PXDN: variants seen among roughly 807,000 people sequenced by gnomAD.
The protein encoded by PXDN is peroxidasin.
A neutral mutation model predicts 140.3 loss-of-function variants in PXDN; 77 were observed. That is an observed-to-expected ratio of 0.55 (90% confidence interval 0.46 to 0.66). The LOEUF (loss-of-function observed/expected upper bound fraction) is 0.66, where lower values mean the gene tolerates loss of function less well. PXDN is among the 30% of genes least tolerant of loss of function. PXDN has a pLI of 0.00. For missense variants in PXDN, 1,838 were observed against 2,039.5 expected (o/e 0.90, Z 1.90); for synonymous variants, 911 against 857.4 (o/e 1.06, Z -1.09).
chr2:1,728,050 C>T (rs1458592842), intron 1 of PXDN, among the ~76,000 whole-genome samples: 1 of 152,214 alleles, frequency 6.6e-6, no homozygotes, highest in Non-Finnish European at 1.5e-5. Context: ...ATCCTCCTGC[C>T]TCAGCCTCCA....
chr2:1,661,879 T>A (rs936876229), intron 13 of PXDN, among the ~76,000 whole-genome samples, 193 bp downstream of exon 13: 9 of 152,198 alleles, frequency 5.9e-5, no homozygotes, highest in African/African-American at 2.2e-4. Context: ...TGAATGTTTT[T>A]CTTTCTGCTA....
chr2:1,730,511 G>C (rs1400458489), intron 1 of PXDN, among the ~76,000 whole-genome samples: 4 of 152,180 alleles, frequency 2.6e-5, no homozygotes, highest in Non-Finnish European at 5.9e-5. Flanking sequence ...TAAGTAAACA[G>C]GAAGAGCCGG....
In PXDN at chr2:1,660,787, A is replaced by G; in HGVS notation, c.1837+94T>C. The G allele has an allele frequency of 6.9e-7, 1 of 1,446,270 alleles. No individual in the cohort carries two copies. The highest frequency in any genetic ancestry group is 9.3e-7 in the Non-Finnish European group (1 of 1,078,288). The allele number at this position is 1,446,270 out of a possible 1,614,324, so 89.6% of individuals were successfully genotyped here. ...TGCTTTGTCTTCTGAATAATTCTGAACAGCCTAAGTCAACTGGCCTGGGAC... is the reference window on the plus strand; with the variant it reads ...TGCTTTGTCTTCTGAATAATTCTGAGCAGCCTAAGTCAACTGGCCTGGGAC... On this transcript the variant is annotated intron_variant, in intron 14 of 22. Transcript: ENST00000252804. This position sits in a 1 kb window ranked among gnomAD's most constrained non-coding sequence, Gnocchi z 4.6.
At chr2:1,723,675 AATGGATGGATGG>A (rs543877016) in intron 1 of PXDN, among the ~76,000 whole-genome samples, 1 of 151,822 alleles carries the variant, frequency 6.6e-6, no homozygotes, top group Non-Finnish European at 1.5e-5. Flanking sequence ...TGAATGGATT[AATGGATGGATGG>A]ATGGATGGAT....
In PXDN at chr2:1,687,811, T is replaced by C; in HGVS notation, c.345-108A>G. ...TGGAGACAGTTTTACAATTAATGAC[T>C]GTATTAGAATGCAAACAAACCATCT... On this transcript the variant is annotated intron_variant, in intron 3 of 22. Transcript: ENST00000252804. The surrounding 1 kb of genome is among the most constrained non-coding windows in gnomAD (Gnocchi z 4.0). The C allele has an allele frequency of 1.3e-6, 1 of 784,782 alleles. No homozygotes were observed. Among genetic ancestry groups the C allele is most frequent in the Non-Finnish European group, 2.0e-6 (1 of 496,912 alleles). 48.6% of individuals were successfully genotyped at this position (784,782 alleles called of 1,614,324 possible). A position where few individuals can be genotyped will look rare whatever the true frequency, so the allele number is the denominator to read the frequency against.
intron 1 of PXDN, among the ~76,000 whole-genome samples, chr2:1,705,601 G>T (rs1032300419): frequency 6.7e-6 from 1 of 148,852 alleles, no homozygotes; most frequent in Non-Finnish European, 1.5e-5. Context: ...AGGGTGCAGG[G>T]TGCGGCTCCC....
chr2:1,716,440 G>GAAAAAAAAAAA lies in PXDN; in HGVS notation c.201-23317_201-23307dup, dbSNP rs550784477. ...GCAACAGAGTGAGACTCCATCTCAG[G>GAAAAAAAAAAA]AAAAAAAAAAAAAAAAAAAAAAAAA... On this transcript the variant is annotated intron_variant, in intron 1 of 22. Transcript: ENST00000252804. Among the ~76,000 whole-genome samples the GAAAAAAAAAAA allele has an allele frequency of 1.0e-4, 6 of 58,228 alleles. 1 individual carries two copies. In the East Asian group the frequency reaches 2.8e-3, roughly 27 times the overall value. 38.2% of individuals were successfully genotyped at this position (58,228 alleles called of 152,430 possible).
chr2:1,650,156 A>G (rs960366418), intron 16 of PXDN, among the ~76,000 whole-genome samples: 1 of 152,190 alleles, frequency 6.6e-6, no homozygotes, highest in African/African-American at 2.4e-5. Context: ...ATCTCGGTCC[A>G]CTGAGGCTTC....
intron 17 of PXDN, 92 bp from the exon 18 acceptor site, chr2:1,644,844 A>C: frequency 8.0e-7 from 1 of 1,242,454 alleles, no homozygotes; most frequent in East Asian, 2.9e-5. Flanking sequence ...TCTTTCTATC[A>C]CTATTTTACA....
chr2:1,645,043 AC>A (rs932299853), intron 17 of PXDN, among the ~76,000 whole-genome samples: 14 of 152,280 alleles, frequency 9.2e-5, no homozygotes, highest in Admixed American at 7.2e-4. Context: ...ACCTTTTCCA[AC>A]TATTCAGGGA....
At chr2:1,643,042 G>T (rs1682764640) in intron 19 of PXDN, among the ~76,000 whole-genome samples, 1 of 152,162 alleles carries the variant, frequency 6.6e-6, no homozygotes, top group South Asian at 2.1e-4. Flanking sequence ...GGCTACACAA[G>T]TACTGGAAGC....
chr2:1,663,801 C>A, intron 11 of PXDN, 38 bp from the exon 12 acceptor site: 1 of 1,598,262 alleles, frequency 6.3e-7, no homozygotes, highest in Non-Finnish European at 8.5e-7. Flanking sequence ...GACACTCGGA[C>A]GCATGGAGAA....
At chr2:1,743,742 G>A (rs1357619348) in intron 1 of PXDN, among the ~76,000 whole-genome samples, 6 of 129,860 alleles carry the variant, frequency 4.6e-5, no homozygotes, top group Non-Finnish European at 1.0e-4. Context: ...AGGAGCGGAG[G>A]AGGGGAGCGA....
At chr2:1,656,229 C>T (rs555920064) in intron 14 of PXDN, among the ~76,000 whole-genome samples, 2 of 152,248 alleles carry the variant, frequency 1.3e-5, no homozygotes, top group South Asian at 2.1e-4. Flanking sequence ...TTCTAGTTCC[C>T]TCTTGTCATT....
intron 1 of PXDN, 83 bp downstream of exon 1, chr2:1,744,173 C>T (rs1208676964): frequency 3.8e-6 from 5 of 1,299,146 alleles, no homozygotes; most frequent in Non-Finnish European, 3.9e-6. Flanking sequence ...CCCTCCGCGC[C>T]CCCCACCTCC....
chr2:1,726,578 A>G (rs1182158753), intron 1 of PXDN, among the ~76,000 whole-genome samples: 1 of 152,146 alleles, frequency 6.6e-6, no homozygotes, highest in East Asian at 1.9e-4. Flanking sequence ...TTAAAGTATA[A>G]TAATAATAAA....
chr2:1,723,261 A>G (rs183688342), intron 1 of PXDN, among the ~76,000 whole-genome samples: 1 of 152,292 alleles, frequency 6.6e-6, no homozygotes, highest in Admixed American at 6.5e-5. Context: ...GAACAGATAG[A>G]TGGACTAATG....
rs753332121 is a variant in PXDN at position 1,648,832 on chromosome 2, C to A, written c.2948G>T (p.Gly983Val). Reference sequence around the variant, plus strand: ...CCACAGCGTGTGCATGCTGGTCAGGCCCAGCTGCTCGTTGGCGCGGTGGTC... The same window carrying A: ...CCACAGCGTGTGCATGCTGGTCAGGACCAGCTGCTCGTTGGCGCGGTGGTC... ...AGDHRANEQL[G>V]LTSMHTLWFR... Residue 983 changes from glycine to valine, a missense_variant, in exon 17 of 23, where the codon GGC becomes GTC. Coordinates refer to ENST00000252804, the MANE Select transcript of PXDN (RefSeq NM_012293.3). The surrounding 1 kb of genome is among the most constrained non-coding windows in gnomAD (Gnocchi z 8.9). 1 of 1,601,294 alleles carries A rather than the reference C, an allele frequency of 6.2e-7. No individual in the cohort carries two copies. The highest frequency in any genetic ancestry group is 1.1e-5 in the South Asian group (1 of 89,358).
At chr2:1,683,883 T>C (rs924384527) in intron 5 of PXDN, among the ~76,000 whole-genome samples, 156 bp from the exon 6 acceptor site, 3 of 151,206 alleles carry the variant, frequency 2.0e-5, no homozygotes, top group Non-Finnish European at 2.9e-5. Context: ...AGAAATGGTT[T>C]TTTTTTCCTG....
Sources: gnomAD v4.1 joint callset for allele counts (sites outside exome capture counted in the v4.1 genomes callset) on GRCh38, gnomAD v4.1.1 for gene constraint, Gnocchi (gnomAD v3.1) non-coding constraint, MANE v1.5 for transcripts, NCBI Gene and HGNC (gene_info 2026-07-23, HGNC 2026-07-21) for gene names.